LRRIQ3: variants seen among roughly 807,000 people sequenced by gnomAD.
The protein encoded by LRRIQ3 is leucine rich repeats and IQ motif containing 3.
LRRIQ3 carries 75 observed loss-of-function variants against 59.3 expected under a neutral mutation model. The ratio of observed to expected loss-of-function variants is 1.26; its 90% confidence interval spans 1.05 to 1.53. The LOEUF (loss-of-function observed/expected upper bound fraction) is 1.53. Ranked by LOEUF, LRRIQ3 falls within the 40% of genes most tolerant of loss-of-function variation. The pLI is 0.00. For synonymous variants in LRRIQ3, 250 were observed against 231.3 expected, an observed-to-expected ratio of 1.08 and a Z score of -0.73; for missense variants, 831 against 710.0, an observed-to-expected ratio of 1.17 and a Z score of -1.94.
At chr1:74,172,722 G>T (rs1454210621) in intron 3 of LRRIQ3, among the ~76,000 whole-genome samples, 1 of 151,984 alleles carries the variant, frequency 6.6e-6, no homozygotes. Context: ...AACTGCTAAC[G>T]TTGCTTCATA....
intron 7 of LRRIQ3, 141 bp from the exon 8 acceptor site, chr1:74,027,110 A>G: frequency 1.8e-6 from 1 of 546,026 alleles, no homozygotes; most frequent in Non-Finnish European, 3.1e-6. Flanking sequence ...CCATTTATAT[A>G]ACTTGGTTAT....
chr1:74,182,765 A>AT lies in LRRIQ3; in HGVS notation c.345dup (p.Cys116MetfsTer16), dbSNP rs1557658427. On this transcript the variant is annotated frameshift_variant, in exon 3 of 8. Transcript: ENST00000354431. LOFTEE classifies it high-confidence loss of function. ...AGGGTTGGACAGGCAGATAATACAC[A>AT]TATATTCTTTAACTTTGCAAACCCA... is the stretch of plus-strand genomic sequence containing the variant. 1.2e-6 allele frequency: 2 copies of AT among 1,611,288 alleles called. No homozygotes were observed. Among genetic ancestry groups the AT allele is most frequent in the Non-Finnish European group, 1.7e-6 (2 of 1,178,250 alleles).
chr1:74,151,890 A>C (rs1231606862), intron 4 of LRRIQ3, among the ~76,000 whole-genome samples: 1 of 152,204 alleles, frequency 6.6e-6, no homozygotes, highest in Non-Finnish European at 1.5e-5. Flanking sequence ...CAAACACAAT[A>C]GGAGTAGTTT....
chr1:74,048,186 T>A, intron 6 of LRRIQ3, among the ~76,000 whole-genome samples: 1 of 152,190 alleles, frequency 6.6e-6, no homozygotes. Flanking sequence ...CTCTCCTGAA[T>A]TTTTAAGTAA....
At chr1:74,108,189 T>C (rs1646640254) in intron 5 of LRRIQ3, among the ~76,000 whole-genome samples, 2 of 151,844 alleles carry the variant, frequency 1.3e-5, no homozygotes, top group African/African-American at 2.4e-5. Flanking sequence ...TGGTTATCAG[T>C]ATACTGATAT....
In LRRIQ3 at chr1:74,099,626, T is replaced by A. The variant is rs140481845; in HGVS notation, c.867+9768A>T. ...AAAAAAAGAGAATTTTAGACCAATA[T>A]CCCTGATGAACATCGATGCAAAATT... is the stretch of plus-strand genomic sequence containing the variant. On this transcript the variant is annotated intron_variant, in intron 5 of 7. Coordinates refer to ENST00000354431, the MANE Select transcript of LRRIQ3 (RefSeq NM_001105659.2). Among the ~76,000 whole-genome samples the A allele has an allele frequency of 3.8e-3, 575 of 152,176 alleles. 5 individuals are homozygous for A. Among genetic ancestry groups the A allele is most frequent in the African/African-American group, 0.013 (546 of 41,506 alleles).
chr1:74,153,578 T>C (rs986980667), intron 4 of LRRIQ3, among the ~76,000 whole-genome samples: 9 of 152,314 alleles, frequency 5.9e-5, no homozygotes, highest in East Asian at 3.9e-4. Flanking sequence ...GAAAGTATTT[T>C]TGAGCACCTA....
intron 5 of LRRIQ3, among the ~76,000 whole-genome samples, chr1:74,077,683 G>T (rs1036589139): frequency 6.6e-6 from 1 of 151,864 alleles, no homozygotes; most frequent in African/African-American, 2.4e-5. Context: ...TAGAAAAGAA[G>T]AATTCATGAC....
chr1:74,058,213 C>T (rs1304257571), intron 6 of LRRIQ3, among the ~76,000 whole-genome samples: 1 of 152,014 alleles, frequency 6.6e-6, no homozygotes, highest in Non-Finnish European at 1.5e-5. Context: ...CCAGCAGTTC[C>T]ACTACTGGGT....
chr1:74,165,954 A>T (rs867854019), intron 3 of LRRIQ3, among the ~76,000 whole-genome samples: 9 of 151,766 alleles, frequency 5.9e-5, no homozygotes, highest in Middle Eastern at 3.4e-3. Flanking sequence ...ATACTGCTGA[A>T]TTGTATTCGC....
At chr1:74,074,889 T>G in intron 5 of LRRIQ3, 99 bp from the exon 6 acceptor site, 1 of 604,708 alleles carries the variant, frequency 1.7e-6, no homozygotes, top group Non-Finnish European at 2.5e-6. Flanking sequence ...TGATTGATTT[T>G]CATTTAAAAC....
intron 1 of LRRIQ3, among the ~76,000 whole-genome samples, chr1:74,195,181 TAAAAC>T (rs1032805731): frequency 2.0e-5 from 3 of 152,032 alleles, no homozygotes; most frequent in Non-Finnish European, 2.9e-5. Flanking sequence ...TAAATCGAAA[TAAAAC>T]AAACTGCAAA....
At chr1:74,085,316 A>G (rs973804056) in intron 5 of LRRIQ3, among the ~76,000 whole-genome samples, 1 of 71,296 alleles carries the variant, frequency 1.4e-5, no homozygotes, top group African/African-American at 4.4e-5. Flanking sequence ...TGCTAAGTAC[A>G]TGGTGGCAAA....
intron 4 of LRRIQ3, among the ~76,000 whole-genome samples, chr1:74,138,796 G>A (rs552220284): frequency 6.6e-6 from 1 of 151,790 alleles, no homozygotes; most frequent in South Asian, 2.1e-4. Flanking sequence ...GATGTAACTG[G>A]GTTACATATG....
At chr1:74,062,804 G>A in intron 6 of LRRIQ3, among the ~76,000 whole-genome samples, 1 of 152,004 alleles carries the variant, frequency 6.6e-6, no homozygotes, top group East Asian at 1.9e-4. Flanking sequence ...ATACAATGAA[G>A]GGAACAGCAG....
intron 4 of LRRIQ3, among the ~76,000 whole-genome samples, chr1:74,154,565 A>C (rs1557643355): frequency 6.6e-6 from 1 of 152,298 alleles, no homozygotes; most frequent in African/African-American, 2.4e-5. Context: ...CCATGAACAA[A>C]GTTTTTATCT....
At chr1:74,115,917 T>G (rs1297339363) in intron 4 of LRRIQ3, among the ~76,000 whole-genome samples, 1 of 151,858 alleles carries the variant, frequency 6.6e-6, no homozygotes, top group African/African-American at 2.4e-5. Context: ...AAACAAGACT[T>G]GATGACAAAA....
intron 5 of LRRIQ3, among the ~76,000 whole-genome samples, chr1:74,099,822 T>C (rs995807366): frequency 2.6e-5 from 4 of 152,128 alleles, no homozygotes; most frequent in African/African-American, 7.2e-5. Context: ...ATTATCTCAA[T>C]AGATGCAGAA....
chr1:74,145,735 A>G (rs935505563), intron 4 of LRRIQ3, among the ~76,000 whole-genome samples: 1 of 152,142 alleles, frequency 6.6e-6, no homozygotes, highest in African/African-American at 2.4e-5. Context: ...ATTTGTATTA[A>G]GTATTTAAAT....
Sources: gnomAD v4.1 joint callset for allele counts (sites outside exome capture counted in the v4.1 genomes callset) on GRCh38, gnomAD v4.1.1 for gene constraint, MANE v1.5 for transcripts, NCBI Gene and HGNC (gene_info 2026-07-23, HGNC 2026-07-21) for gene names.